Variants in ESYT2 observed in about 807,000 individuals in gnomAD.
ESYT2 encodes extended synaptotagmin-2.
ESYT2 carries 54 observed loss-of-function variants against 107.2 expected under a neutral mutation model. That is an observed-to-expected ratio of 0.50 (90% CI 0.40 to 0.63). ESYT2 has a LOEUF of 0.63. Ranked by LOEUF, ESYT2 falls within the 30% of genes least tolerant of loss-of-function variation. ESYT2 has a pLI of 0.00. For synonymous variants in ESYT2, 491 were observed against 434.1 expected, an observed-to-expected ratio of 1.13 and a Z score of -1.63; for missense variants, 1,020 against 1,094.5, an observed-to-expected ratio of 0.93 and a Z score of 0.96.
At chr7:158,780,647 G>C (rs1238639087) in intron 6 of ESYT2, among the ~76,000 whole-genome samples, 1 of 152,248 alleles carries the variant, frequency 6.6e-6, no homozygotes, top group African/African-American at 2.4e-5. Context: ...GCATGCCCAC[G>C]TGGGCCTTGT....
intron 1 of ESYT2, among the ~76,000 whole-genome samples, chr7:158,807,110 C>T (rs1446228129): frequency 6.6e-6 from 1 of 151,594 alleles, no homozygotes; most frequent in African/African-American, 2.4e-5. Flanking sequence ...AATTAGCCAA[C>T]CGTGGTGGTG....
Position 158,743,630 on chromosome 7 carries a change from G to C in ESYT2, c.1693C>G (p.Leu565Val), listed in dbSNP as rs1469209085. 6.2e-7 allele frequency: 1 copy of C among 1,613,574 alleles called. No individual in the cohort carries two copies. The highest frequency in any genetic ancestry group is 1.1e-5 in the South Asian group (1 of 91,024). Residue 565 changes from leucine to valine, a missense_variant, in exon 17 of 23, where the codon CTC becomes GTC. By Grantham distance (32) the Leu-to-Val change is conservative. Transcript: ENST00000275418. ...QCSLGNLKVP[L>V]SQLLTSEDMT... ...TCCTCACTGGTGAGCAGCTGGCTGAGGGGGACCTTCAGGTTCCCCAGGGAA... is the reference window on the plus strand; with the variant it reads ...TCCTCACTGGTGAGCAGCTGGCTGACGGGGACCTTCAGGTTCCCCAGGGAA...
intron 7 of ESYT2, among the ~76,000 whole-genome samples, chr7:158,770,286 G>A (rs1014487304): frequency 2.3e-4 from 34 of 149,742 alleles, no homozygotes; most frequent in Non-Finnish European, 3.5e-4. Context: ...CCAATTTTAC[G>A]TACATATCTA....
intron 16 of ESYT2, among the ~76,000 whole-genome samples, chr7:158,746,866 C>CA (rs1488333753): frequency 2.6e-5 from 4 of 151,986 alleles, no homozygotes; most frequent in Non-Finnish European, 5.9e-5. Context: ...TGAGACCCTA[C>CA]AAAAAATAAA....
At chr7:158,813,788 C>A (rs1840052904) in intron 1 of ESYT2, among the ~76,000 whole-genome samples, 1 of 151,936 alleles carries the variant, frequency 6.6e-6, no homozygotes, top group African/African-American at 2.4e-5. Flanking sequence ...AATATACGTT[C>A]CTCGTCCCGA....
chr7:158,734,853 A>C (rs1836866511), intron 21 of ESYT2, among the ~76,000 whole-genome samples: 1 of 152,156 alleles, frequency 6.6e-6, no homozygotes, highest in African/African-American at 2.4e-5. Flanking sequence ...ACTTCTTCTC[A>C]TCTCTCTAAT....
chr7:158,759,447 G>A (rs370456137), intron 13 of ESYT2, 39 bp downstream of exon 13: 2 of 1,516,628 alleles, frequency 1.3e-6, no homozygotes, highest in South Asian at 2.3e-5. Flanking sequence ...CAGCTGCTAG[G>A]AAATACGCAC....
Position 158,732,144 on chromosome 7 carries a change from C to T in ESYT2, c.*2063G>A, listed in dbSNP as rs1363989771. 6.6e-6 allele frequency: 1 copy of T among 152,208 alleles called. No individual in the cohort carries two copies. Among genetic ancestry groups the T allele is most frequent in the Non-Finnish European group, 1.5e-5 (1 of 68,036 alleles). 9.4% of individuals were successfully genotyped at this position (152,208 alleles called of 1,614,324 possible). On this transcript the variant is annotated 3_prime_UTR_variant, in exon 23 of 23. Coordinates refer to ENST00000275418, the MANE Select transcript of ESYT2 (RefSeq NM_001367773.1). ...CAAAATACACATGGAGCGGATTACA[C>T]ACTGGACTGCAGAACTCAGATGTAT...
intron 3 of ESYT2, among the ~76,000 whole-genome samples, chr7:158,794,969 A>C (rs888374756): frequency 2.0e-5 from 3 of 152,174 alleles, no homozygotes; most frequent in African/African-American, 7.2e-5. Context: ...TACAGACTGC[A>C]CTAAAAAACA....
chr7:158,782,319 CGA>C (rs200590555), intron 6 of ESYT2, among the ~76,000 whole-genome samples: 5,593 of 144,102 alleles, frequency 0.039, 144 homozygotes, highest in Admixed American at 0.07. Context: ...TGTGAGTGAA[CGA>C]GTGTGAGAAC....
Position 158,741,691 on chromosome 7 carries a change from G to A in ESYT2, c.2000C>T (p.Pro667Leu), listed in dbSNP as rs780629818. 7 of 1,613,964 alleles carry A rather than the reference G, an allele frequency of 4.3e-6. No individual in the cohort carries two copies. In the African/African-American group the frequency reaches 5.3e-5, roughly 12 times the overall value. ...DKPGMEEKAQ[P>L]PEAGPQGLHD... The stretch of plus-strand genomic sequence containing the variant: ...CAGCCCCTGAGGGCCGGCCTCAGGG[G>A]GCTGGGCCTTTTCTTCCATACCAGG... The change falls in exon 18 of 23, where the codon CCC (proline) becomes CTC (leucine). Residue 667 changes from proline to leucine, a missense_variant. By Grantham distance (98) the Pro-to-Leu change is moderately conservative. Coordinates refer to ENST00000275418, the MANE Select transcript of ESYT2 (RefSeq NM_001367773.1).
intron 8 of ESYT2, 105 bp downstream of exon 8, chr7:158,767,549 G>A: frequency 6.8e-7 from 1 of 1,471,422 alleles, no homozygotes; most frequent in South Asian, 1.3e-5. Context: ...GTGGCAAGCT[G>A]GCTGCTGGGG....
intron 14 of ESYT2, among the ~76,000 whole-genome samples, chr7:158,750,709 C>A (rs1301261979): frequency 6.6e-6 from 1 of 152,042 alleles, no homozygotes; most frequent in Admixed American, 6.5e-5. Context: ...ATACTAATTT[C>A]CCCCCTAAGT....
intron 4 of ESYT2, among the ~76,000 whole-genome samples, chr7:158,789,009 C>T (rs1464727427): frequency 6.6e-6 from 1 of 152,120 alleles, no homozygotes; most frequent in Non-Finnish European, 1.5e-5. Flanking sequence ...AAGATTTGCA[C>T]CTGTTTTTAA....
intron 16 of ESYT2, among the ~76,000 whole-genome samples, chr7:158,747,917 A>G (rs1013948736): frequency 6.6e-6 from 1 of 152,280 alleles, no homozygotes; most frequent in Non-Finnish European, 1.5e-5. Context: ...AAACCTCAGA[A>G]TAATTATCAC....
At chr7:158,742,958 T>C (rs1455365371) in intron 17 of ESYT2, among the ~76,000 whole-genome samples, 1 of 152,180 alleles carries the variant, frequency 6.6e-6, no homozygotes, top group East Asian at 1.9e-4. Context: ...ATAGAAGACA[T>C]TTGTAATTTT....
At chr7:158,744,384 C>A (rs565123677) in intron 16 of ESYT2, among the ~76,000 whole-genome samples, 50 of 152,286 alleles carry the variant, frequency 3.3e-4, no homozygotes, top group African/African-American at 1.2e-3. Flanking sequence ...TGTCTTTTAA[C>A]CCCTGGGAAA....
chr7:158,828,504 G>C (rs571729680), intron 1 of ESYT2, among the ~76,000 whole-genome samples: 1 of 152,246 alleles, frequency 6.6e-6, no homozygotes, highest in African/African-American at 2.4e-5. Context: ...TGGCGCTCGG[G>C]GTCTGCAGGC....
Position 158,829,425 on chromosome 7 carries a change from G to A in ESYT2, c.-7C>T. On this transcript the variant is annotated 5_prime_UTR_variant, in exon 1 of 23. Coordinates refer to ENST00000275418, the MANE Select transcript of ESYT2 (RefSeq NM_001367773.1). Reference sequence around the variant, plus strand: ...CGCCCCGGGCGCCGCTCATCGCCCCGCAGTGCCGCGCTGCCCTCCCGGCCG... The same window carrying A: ...CGCCCCGGGCGCCGCTCATCGCCCCACAGTGCCGCGCTGCCCTCCCGGCCG... 1.7e-6 allele frequency: 2 copies of A among 1,184,980 alleles called. No homozygotes were observed. The highest frequency in any genetic ancestry group is 3.9e-5 in the East Asian group (1 of 25,694). 73.4% of individuals were successfully genotyped at this position (1,184,980 alleles called of 1,614,324 possible). A position where few individuals can be genotyped will look rare whatever the true frequency, so the allele number is the denominator to read the frequency against.
Sources: allele counts gnomAD v4.1 joint callset (sites outside exome capture counted in the v4.1 genomes callset), GRCh38; gene constraint gnomAD v4.1.1; transcripts MANE v1.5; gene names NCBI Gene and HGNC (gene_info 2026-07-23, HGNC 2026-07-21).